The following SLC39A8 variants were observed in gnomAD, a reference collection of about 807,000 sequenced individuals.
The protein encoded by SLC39A8 is solute carrier family 39 member 8.
A neutral mutation model predicts 40.4 loss-of-function variants in SLC39A8; 15 were observed. That is an observed-to-expected ratio of 0.37 (90% CI 0.25 to 0.57). The LOEUF (loss-of-function observed/expected upper bound fraction) is 0.57, where lower values mean the gene tolerates loss of function less well. Ranked by LOEUF, SLC39A8 falls within the 20% of genes least tolerant of loss-of-function variation. SLC39A8 has a pLI of 0.75. For synonymous variants in SLC39A8, 223 were observed against 221.6 expected (o/e 1.01, Z -0.06); for missense variants, 472 against 558.8 (o/e 0.84, Z 1.57).
chr4:102,271,959 G>A (rs1732381750), intron 6 of SLC39A8, among the ~76,000 whole-genome samples: 1 of 152,118 alleles, frequency 6.6e-6, no homozygotes, highest in African/African-American at 2.4e-5. Context: ...AGAGGTTGGA[G>A]TTCTGTTCAT....
intron 6 of SLC39A8, among the ~76,000 whole-genome samples, chr4:102,285,669 G>C (rs1051717269): frequency 6.6e-6 from 1 of 151,834 alleles, no homozygotes. Flanking sequence ...GTGTGCATGA[G>C]CCAGTCTGCT....
downstream of SLC39A8, among the ~76,000 whole-genome samples, chr4:102,259,812 A>G (rs932014521): frequency 1.3e-5 from 2 of 152,306 alleles, no homozygotes; most frequent in Non-Finnish European, 2.9e-5. Flanking sequence ...GGGAGAAATA[A>G]GTGGTTTTTT....
At chr4:102,297,234 C>T (rs751570632) in intron 6 of SLC39A8, among the ~76,000 whole-genome samples, 5 of 127,614 alleles carry the variant, frequency 3.9e-5, no homozygotes, top group Non-Finnish European at 8.7e-5. Flanking sequence ...CAATAGGCAG[C>T]GTAGTGTAAG....
At chr4:102,280,738 CTA>C (rs768518954) in intron 6 of SLC39A8, among the ~76,000 whole-genome samples, 3 of 152,202 alleles carry the variant, frequency 2.0e-5, no homozygotes, top group Non-Finnish European at 4.4e-5. Flanking sequence ...AAGCTCAAAA[CTA>C]TTTCCAAAAC....
At chr4:102,324,490 C>A (rs1173357821) in intron 2 of SLC39A8, among the ~76,000 whole-genome samples, 1 of 152,042 alleles carries the variant, frequency 6.6e-6, no homozygotes, top group Non-Finnish European at 1.5e-5. Flanking sequence ...CACTTCATTT[C>A]TTTTGCTTTT....
intron 2 of SLC39A8, among the ~76,000 whole-genome samples, chr4:102,323,246 T>G (rs1193351556): frequency 6.6e-6 from 1 of 152,238 alleles, no homozygotes; most frequent in Non-Finnish European, 1.5e-5. Flanking sequence ...AACAGGTTGC[T>G]CACACCTTCT....
chr4:102,284,514 T>G (rs1372130405), intron 6 of SLC39A8, among the ~76,000 whole-genome samples: 2 of 152,148 alleles, frequency 1.3e-5, no homozygotes, highest in Non-Finnish European at 2.9e-5. Context: ...AATGATGAAA[T>G]GAATGACTGA....
At position 102,304,448 on chromosome 4, in the gene SLC39A8, C is replaced by G. The variant is rs759268548; in HGVS notation, c.709G>C (p.Gly237Arg). The G allele has an allele frequency of 6.2e-7, 1 of 1,611,018 alleles. No homozygotes were observed. The highest frequency in any genetic ancestry group is 1.7e-5 in the Admixed American group (1 of 59,774). ...GHTHFGNDNFGPQEKTHQPKA... is the reference protein window; with the variant it reads ...GHTHFGNDNFRPQEKTHQPKA... ...GGTTGATGAGTTTTTTCTTGAGGAC[C>G]AAAGTTATCATTTCCAAAGTGGGTA... The change falls in exon 6 of 9, where the codon GGT (glycine) becomes CGT (arginine). Residue 237 changes from glycine (G) to arginine (R), a missense_variant. Gly to Arg is a moderately radical substitution (Grantham distance 125). Coordinates refer to ENST00000356736, the MANE Select transcript of SLC39A8 (RefSeq NM_001135146.2).
intron 6 of SLC39A8, among the ~76,000 whole-genome samples, chr4:102,302,851 G>C (rs115876360): frequency 0.01 from 1,575 of 152,104 alleles, 22 homozygotes; most frequent in African/African-American, 0.035. Context: ...ATTATTGTAA[G>C]AAATTATATA....
intron 4 of SLC39A8, among the ~76,000 whole-genome samples, chr4:102,306,105 T>C (rs1734159773): frequency 2.0e-5 from 3 of 152,014 alleles, no homozygotes; most frequent in Admixed American, 2.0e-4. Context: ...ATCATTTTGC[T>C]ACAAAAAACT....
At chr4:102,264,748 C>T (rs942321573) in intron 8 of SLC39A8, among the ~76,000 whole-genome samples, 1 of 152,236 alleles carries the variant, frequency 6.6e-6, no homozygotes, top group African/African-American at 2.4e-5. Flanking sequence ...GGATAACTTT[C>T]TGCAGCTTCC....
intron 2 of SLC39A8, among the ~76,000 whole-genome samples, chr4:102,329,223 G>C (rs1397847658): frequency 1.3e-5 from 2 of 151,998 alleles, no homozygotes; most frequent in East Asian, 3.9e-4. Context: ...ATATGGGAGT[G>C]GGGGCAGATG....
At chr4:102,294,167 T>C (rs1202115066) in intron 6 of SLC39A8, among the ~76,000 whole-genome samples, 1 of 152,018 alleles carries the variant, frequency 6.6e-6, no homozygotes, top group Non-Finnish European at 1.5e-5. Flanking sequence ...TTATAAATCA[T>C]TTAATCAAGG....
At chr4:102,270,212 GAT>G (rs1435393274) in intron 6 of SLC39A8, among the ~76,000 whole-genome samples, 14 of 120,544 alleles carry the variant, frequency 1.2e-4, no homozygotes, top group Non-Finnish European at 1.9e-4. Flanking sequence ...TTGACTACCT[GAT>G]ATCACTACAG....
At chr4:102,332,859 A>C (rs6844796) in intron 2 of SLC39A8, among the ~76,000 whole-genome samples, 104,768 of 151,986 alleles carry the variant, frequency 0.69, 37,449 homozygotes, top group Middle Eastern at 0.84. Flanking sequence ...AGTTCATGTC[A>C]TTTTTAGAGA....
chr4:102,267,855 T>C lies in SLC39A8; in HGVS notation c.1048+17A>G. 6.2e-7 allele frequency: 1 copy of C among 1,612,650 alleles called. No homozygotes were observed. Among genetic ancestry groups the C allele is most frequent in the South Asian group, 1.1e-5 (1 of 90,862 alleles). Reference sequence around the variant, plus strand: ...AAGAAGTAAGCAGACTTTTACAATATGAACAGAGCTCCTTACCTAACTCGT... The same window carrying C: ...AAGAAGTAAGCAGACTTTTACAATACGAACAGAGCTCCTTACCTAACTCGT... On this transcript the variant is annotated intron_variant, in intron 7 of 8. Transcript: ENST00000356736.
intron 6 of SLC39A8, among the ~76,000 whole-genome samples, chr4:102,302,022 A>G (rs1733946391): frequency 6.6e-6 from 1 of 151,960 alleles, no homozygotes; most frequent in Non-Finnish European, 1.5e-5. Flanking sequence ...AGTTTCTAGT[A>G]TGGTCAAGGA....
At chr4:102,270,227 T>A (rs1338159535) in intron 6 of SLC39A8, among the ~76,000 whole-genome samples, 1 of 152,090 alleles carries the variant, frequency 6.6e-6, no homozygotes, top group African/African-American at 2.4e-5. Flanking sequence ...CACTACAGAG[T>A]CTGTATACAA....
At chr4:102,338,335 C>T (rs1735768504) in intron 2 of SLC39A8, among the ~76,000 whole-genome samples, 1 of 152,018 alleles carries the variant, frequency 6.6e-6, no homozygotes, top group Admixed American at 6.5e-5. Flanking sequence ...TACAGGCACC[C>T]ACCACTACTC....
Sources: allele counts gnomAD v4.1 joint callset (sites outside exome capture counted in the v4.1 genomes callset), GRCh38; gene constraint gnomAD v4.1.1; transcripts MANE v1.5; gene names NCBI Gene and HGNC (gene_info 2026-07-23, HGNC 2026-07-21).